DNAH17: variants seen among roughly 807,000 people sequenced by gnomAD.
DNAH17 encodes dynein axonemal heavy chain 17, also known as axonemal beta dynein heavy chain 17.
Under a neutral mutation model 485.6 loss-of-function variants are expected in DNAH17, and 376 were observed. That is an observed-to-expected ratio of 0.77 (90% CI 0.71 to 0.84). The LOEUF is 0.84. Ranked by LOEUF, DNAH17 falls within the 40% of genes least tolerant of loss-of-function variation. DNAH17 has a pLI of 0.00. For synonymous variants in DNAH17, 3,031 were observed against 2,405.9 expected, an observed-to-expected ratio of 1.26 and a Z score of -7.60; for missense variants, 6,370 against 5,839.3, an observed-to-expected ratio of 1.09 and a Z score of -2.96.
At chr17:78,462,735 C>T in intron 57 of DNAH17, 109 bp downstream of exon 57, 5 of 1,020,488 alleles carry the variant, frequency 4.9e-6, no homozygotes, top group Admixed American at 2.2e-5. Flanking sequence ...TTACTTTAGG[C>T]AGTGCTGAGC....
rs548867238 is a variant in DNAH17, at chr17:78,572,725, T to C, written c.515A>G (p.Asp172Gly). The part of the protein sequence containing the change: ...LPIPEHLGSL[D>G]GTLESMERIP... ...CCTCTCCATGGACTCCAGCGTGCCA[T>C]CCAGGCTGCCCAGGTGCTCCGGAAT... The change falls in exon 3 of 81, where the codon GAT becomes GGT. Residue 172 changes from aspartate to glycine, a missense_variant. Coordinates refer to ENST00000389840, the MANE Select transcript of DNAH17 (RefSeq NM_173628.4). The C allele has an allele frequency of 5.0e-5, 81 of 1,609,966 alleles. No individual in the cohort carries two copies. In the South Asian group the frequency reaches 8.0e-4, roughly 16 times the overall value.
intron 54 of DNAH17, among the ~76,000 whole-genome samples, chr17:78,472,171 C>G (rs1246145312): frequency 6.6e-6 from 1 of 152,108 alleles, no homozygotes; most frequent in Non-Finnish European, 1.5e-5. Flanking sequence ...GCCAATGCCA[C>G]TGGCAGTAGA....
chr17:78,552,420 C>T (rs113823825), intron 15 of DNAH17, among the ~76,000 whole-genome samples: 1 of 152,138 alleles, frequency 6.6e-6, no homozygotes, highest in African/African-American at 2.4e-5. Flanking sequence ...GGAAACTGGG[C>T]CTCCAGCAAG....
At chr17:78,434,688 C>G (rs984237394) in intron 74 of DNAH17, among the ~76,000 whole-genome samples, 9 of 151,914 alleles carry the variant, frequency 5.9e-5, no homozygotes, top group African/African-American at 2.2e-4. Flanking sequence ...GATGGGGTCG[C>G]TTCTCAAACC....
At position 78,458,477 on chromosome 17, in the gene DNAH17, C is replaced by CCT; in HGVS notation, c.9977+86_9977+87dup. 3.5e-6 allele frequency: 4 copies of CCT among 1,150,742 alleles called. No individual in the cohort carries two copies. In the South Asian group the frequency reaches 3.9e-5, roughly 11 times the overall value. The allele number at this position is 1,150,742 out of a possible 1,614,324, so 71.3% of individuals were successfully genotyped here. On this transcript the variant is annotated intron_variant, in intron 62 of 80. Transcript: ENST00000389840. ...AACCTGGCTGCTTCCACCTGGGCTC[C>CCT]CTCCTCTTCCTCCCAAGGCAGTTGT...
intron 54 of DNAH17, among the ~76,000 whole-genome samples, chr17:78,470,673 A>G (rs914344306): frequency 6.6e-6 from 1 of 152,218 alleles, no homozygotes; most frequent in African/African-American, 2.4e-5. Context: ...TGGGCAACAG[A>G]GTGAGACTCC....
At chr17:78,571,162 G>A in intron 5 of DNAH17, 117 bp downstream of exon 5, 2 of 1,288,972 alleles carry the variant, frequency 1.6e-6, no homozygotes, top group Non-Finnish European at 2.2e-6. Flanking sequence ...GGAGGGGGCT[G>A]AGAAAGCTGC....
intron 57 of DNAH17, among the ~76,000 whole-genome samples, chr17:78,462,619 T>C (rs567015374): frequency 1.3e-5 from 2 of 152,352 alleles, no homozygotes; most frequent in African/African-American, 4.8e-5. Context: ...GCGCCCTCCA[T>C]ACAATCAACA....
intron 26 of DNAH17, among the ~76,000 whole-genome samples, chr17:78,511,496 A>G (rs2090635062): frequency 6.6e-6 from 1 of 152,240 alleles, no homozygotes; most frequent in Non-Finnish European, 1.5e-5. Context: ...CAGCTGCCGC[A>G]TTCACAATAG....
At chr17:78,452,156 C>A (rs985681651) in intron 65 of DNAH17, among the ~76,000 whole-genome samples, 3 of 151,956 alleles carry the variant, frequency 2.0e-5, no homozygotes, top group African/African-American at 7.3e-5. Context: ...TCAGCACTCA[C>A]ACCAGGCCCC....
In DNAH17 at chr17:78,455,836, C is replaced by A. The variant is rs753872673; in HGVS notation, c.9978G>T (p.Arg3326Ser). The A allele has an allele frequency of 1.0e-5, 16 of 1,596,518 alleles. No homozygotes were observed. The African/African-American group carries it at 1.9e-4, about 19-fold the overall frequency. ...ATNRVILLAN[R>S]LVGGLASENI... ...TTTCCGATGCTAATCCCCCGACCAG[C>A]CTAAAGTGGGATGAGAGAGAATAAA... The change falls in exon 63 of 81, where the codon AGG becomes AGT. Residue 3326 changes from arginine to serine, a missense_variant and splice_region_variant. Physicochemically the swap from Arg to Ser is moderately radical, Grantham distance 110. Transcript: ENST00000389840.
At chr17:78,484,847 T>C in intron 48 of DNAH17, 21 bp downstream of exon 48, 5 of 1,405,852 alleles carry the variant, frequency 3.6e-6, no homozygotes, top group Non-Finnish European at 9.4e-7. Flanking sequence ...CGCCTTCCCC[T>C]CCGGCCCCGC....
rs1384376176 is a variant in DNAH17 at position 78,451,476 on chromosome 17, T to C, written c.10727A>G (p.Gln3576Arg). 1 of 1,610,006 alleles carries C rather than the reference T, an allele frequency of 6.2e-7. No individual in the cohort carries two copies. Among genetic ancestry groups the C allele is most frequent in the Non-Finnish European group, 8.5e-7 (1 of 1,178,048 alleles). The change falls in exon 66 of 81, where the codon CAG becomes CGG. Residue 3576 changes from glutamine (Q) to arginine (R), a missense_variant. By Grantham distance (43) the Gln-to-Arg change is conservative (BLOSUM62 1). Coordinates refer to ENST00000389840, the MANE Select transcript of DNAH17 (RefSeq NM_173628.4). ...VVAKERPDLE[Q>R]LKANLTKSQN... ...CAAACTTCAGGCCATTACCTTCAGC[T>C]GTTCCAGATCTGGGCGCTCTTTGGC...
intron 17 of DNAH17, 122 bp from the exon 18 acceptor site, chr17:78,540,002 T>C: frequency 3.0e-6 from 3 of 992,228 alleles, no homozygotes; most frequent in East Asian, 3.1e-5. Flanking sequence ...CGGGGCTGCT[T>C]TGAGCATCTT....
In DNAH17 at chr17:78,501,180, T is replaced by A; in HGVS notation, c.5483+4A>T. 1 of 1,571,964 alleles carries A rather than the reference T, an allele frequency of 6.4e-7. No homozygotes were observed. On this transcript the variant is annotated splice_donor_region_variant and intron_variant, in intron 35 of 80. Coordinates refer to ENST00000389840, the MANE Select transcript of DNAH17 (RefSeq NM_173628.4). ...CATGTGAGTTACTCAGGGACGGGCC[T>A]CACCTGTCAGTGAGTGGGGTGATGA...
rs375451801 is a variant in DNAH17 at position 78,505,419 on chromosome 17, G to A, written c.4830C>T (p.Phe1610=). 47 of 1,613,882 alleles carry A rather than the reference G, an allele frequency of 2.9e-5. No individual in the cohort carries two copies. The highest frequency in any genetic ancestry group is 3.7e-5 in the Non-Finnish European group (44 of 1,179,900). The part of the protein sequence containing the change: ...VEVSRHLSKL[F]DSLCKLKFRL... ...GGAACTTCAGTTTACACAGGCTATC[G>A]AAGAGTTTGGACAGGTGGCGGCTCA... Residue 1610 remains phenylalanine (F), a synonymous_variant, in exon 31 of 81, where the codon TTC becomes TTT. Transcript: ENST00000389840.
Position 78,472,762 on chromosome 17 carries a change from G to C in DNAH17, c.8511+2516C>G, listed in dbSNP as rs759369506. ...TGGCCCTGGTTTCCCCTCCCCCTCCGTTCTCCCTTCTCGTCGCACCTGCCC... is the reference window on the plus strand; with the variant it reads ...TGGCCCTGGTTTCCCCTCCCCCTCCCTTCTCCCTTCTCGTCGCACCTGCCC... On this transcript the variant is annotated intron_variant, in intron 54 of 80. Coordinates refer to ENST00000389840, the MANE Select transcript of DNAH17 (RefSeq NM_173628.4). 1.1e-4 allele frequency: 48 copies of C among 454,752 alleles called. No individual in the cohort carries two copies. The Middle Eastern group carries it at 2.9e-3, about 28-fold the overall frequency. 28.2% of individuals were successfully genotyped at this position (454,752 alleles called of 1,614,324 possible). A position where few individuals can be genotyped will look rare whatever the true frequency, so the allele number is the denominator to read the frequency against.
At position 78,449,555 on chromosome 17, in the gene DNAH17, G is replaced by C. The variant is rs761492959; in HGVS notation, c.11070C>G (p.Ile3690Met). The C allele has an allele frequency of 1.2e-6, 2 of 1,606,316 alleles. No individual in the cohort carries two copies. Among genetic ancestry groups the C allele is most frequent in the Non-Finnish European group, 1.7e-6 (2 of 1,176,526 alleles). ...KAFNVVFEKA[I>M]QRTTPANEVK... The stretch of plus-strand genomic sequence containing the variant: ...CCTCGTTGGCAGGGGTGGTCCTCTG[G>C]ATGGCTTTCTCAAACACCACGTTGA... The change falls in exon 69 of 81, where the codon ATC becomes ATG. Residue 3690 changes from isoleucine to methionine, a missense_variant. By Grantham distance (10) the Ile-to-Met change is conservative. Coordinates refer to ENST00000389840, the MANE Select transcript of DNAH17 (RefSeq NM_173628.4).
chr17:78,477,157 T>C (rs2089068668), intron 51 of DNAH17, among the ~76,000 whole-genome samples: 1 of 152,174 alleles, frequency 6.6e-6, no homozygotes, highest in South Asian at 2.1e-4. Context: ...CAAGAGCTTA[T>C]TGAGGGCCTG....
Sources: gnomAD v4.1 joint callset for allele counts (sites outside exome capture counted in the v4.1 genomes callset) on GRCh38, gnomAD v4.1.1 for gene constraint, MANE v1.5 for transcripts, NCBI Gene and HGNC (gene_info 2026-07-23, HGNC 2026-07-21) for gene names.